Variants in SPOCK1 observed in about 807,000 individuals in gnomAD.
The protein encoded by SPOCK1 is SPARC (osteonectin), cwcv and kazal like domains proteoglycan 1.
In SPOCK1, 23 loss-of-function variants were observed where a neutral mutation model predicts 55.3. That is an observed-to-expected ratio of 0.42 (90% confidence interval 0.30 to 0.59). The LOEUF is 0.59. Ranked by LOEUF, SPOCK1 falls within the 20% of genes least tolerant of loss-of-function variation. The probability of loss-of-function intolerance (pLI) is 0.22; values close to 1 mark genes in which losing one functional copy is unlikely to be tolerated. For synonymous variants in SPOCK1, 226 were observed against 221.0 expected (o/e 1.02, Z -0.20); for missense variants, 499 against 552.5 (o/e 0.90, Z 0.97).
intron 3 of SPOCK1, among the ~76,000 whole-genome samples, chr5:137,161,098 A>G (rs1217974912): frequency 6.8e-6 from 1 of 147,098 alleles, no homozygotes; most frequent in Non-Finnish European, 1.5e-5. Flanking sequence ...ATTATATAAT[A>G]TATATATCTA....
intron 6 of SPOCK1, among the ~76,000 whole-genome samples, chr5:137,000,174 G>C (rs992146691): frequency 6.6e-6 from 1 of 152,200 alleles, no homozygotes; most frequent in Non-Finnish European, 1.5e-5. Flanking sequence ...ATGGAGACCT[G>C]ATGCTGATTC....
At chr5:137,272,610 T>C (rs985888042) in intron 2 of SPOCK1, among the ~76,000 whole-genome samples, 5 of 152,144 alleles carry the variant, frequency 3.3e-5, no homozygotes, top group Non-Finnish European at 5.9e-5. Flanking sequence ...GTGACCCAGC[T>C]TGGGCAGTGA....
At chr5:136,985,687 G>GACA (rs932861257) in intron 8 of SPOCK1, among the ~76,000 whole-genome samples, 1 of 152,130 alleles carries the variant, frequency 6.6e-6, no homozygotes, top group African/African-American at 2.4e-5. Context: ...GGCTTTGAGG[G>GACA]ACAACTATGA....
intron 2 of SPOCK1, among the ~76,000 whole-genome samples, chr5:137,444,848 C>T (rs1753089590): frequency 6.6e-6 from 1 of 152,186 alleles, no homozygotes. Context: ...GTTCAGCCTC[C>T]TGGCAGATAC....
chr5:136,995,676 G>A (rs1438865883), intron 6 of SPOCK1, among the ~76,000 whole-genome samples: 1 of 152,170 alleles, frequency 6.6e-6, no homozygotes, highest in Non-Finnish European at 1.5e-5. Flanking sequence ...CATGCTTCAA[G>A]ATGAATTAGT....
chr5:137,093,443 C>A (rs143597412), intron 5 of SPOCK1, among the ~76,000 whole-genome samples: 94 of 152,310 alleles, frequency 6.2e-4, no homozygotes, highest in African/African-American at 2.2e-3. Flanking sequence ...TGAGAATCTA[C>A]CATATGCTAG....
intron 2 of SPOCK1, among the ~76,000 whole-genome samples, chr5:137,290,757 C>T (rs945531084): frequency 5.3e-5 from 8 of 152,156 alleles, no homozygotes; most frequent in African/African-American, 9.7e-5. Flanking sequence ...TATGGCAGAA[C>T]GGACAGGTTT....
intron 3 of SPOCK1, among the ~76,000 whole-genome samples, chr5:137,152,595 A>C (rs1754338965): frequency 6.6e-6 from 1 of 152,224 alleles, no homozygotes. Context: ...TTTGGTTACT[A>C]TAATGGCAGC....
chr5:137,347,226 G>A (rs1750577985), intron 2 of SPOCK1, among the ~76,000 whole-genome samples: 2 of 152,130 alleles, frequency 1.3e-5, no homozygotes, highest in African/African-American at 2.4e-5. Flanking sequence ...GACCACCTGG[G>A]GAAAGTTCAA....
intron 2 of SPOCK1, among the ~76,000 whole-genome samples, chr5:137,310,606 C>T (rs1757772970): frequency 6.6e-6 from 1 of 152,168 alleles, no homozygotes; most frequent in African/African-American, 2.4e-5. Context: ...ACAAAAATCT[C>T]CAGCCCTGTC....
intron 2 of SPOCK1, among the ~76,000 whole-genome samples, chr5:137,462,108 G>T (rs546474159): frequency 1.3e-5 from 2 of 152,254 alleles, no homozygotes; most frequent in Non-Finnish European, 2.9e-5. Flanking sequence ...GCGAGAGGAA[G>T]TGGGAAGGTC....
intron 5 of SPOCK1, among the ~76,000 whole-genome samples, chr5:137,096,167 C>T (rs1388570888): frequency 6.6e-6 from 1 of 152,148 alleles, no homozygotes; most frequent in African/African-American, 2.4e-5. Context: ...CCATCCTCAG[C>T]CCCCCAAGTA....
intron 3 of SPOCK1, among the ~76,000 whole-genome samples, chr5:137,189,981 G>A (rs1348083839): frequency 2.5e-5 from 3 of 122,294 alleles, no homozygotes; most frequent in Non-Finnish European, 3.8e-5. Flanking sequence ...AAGAGAACTA[G>A]AAGTGCAGCC....
intron 2 of SPOCK1, among the ~76,000 whole-genome samples, chr5:137,417,180 C>T (rs1752352420): frequency 6.6e-6 from 1 of 151,854 alleles, no homozygotes; most frequent in Non-Finnish European, 1.5e-5. Context: ...AAGTTCTTAA[C>T]GTTAATGAAG....
chr5:137,013,439 T>A (rs1000007305), intron 6 of SPOCK1, among the ~76,000 whole-genome samples: 1 of 152,118 alleles, frequency 6.6e-6, no homozygotes, highest in Non-Finnish European at 1.5e-5. Flanking sequence ...TTAAAGAGAG[T>A]TTATTTAAAT....
chr5:137,384,889 C>T (rs968106661), intron 2 of SPOCK1, among the ~76,000 whole-genome samples: 2 of 152,088 alleles, frequency 1.3e-5, no homozygotes, highest in African/African-American at 4.8e-5. Flanking sequence ...TCTGCGAAGA[C>T]CCTCTTTCTA....
At chr5:137,123,848 T>C (rs1196000222) in intron 4 of SPOCK1, among the ~76,000 whole-genome samples, 1 of 152,096 alleles carries the variant, frequency 6.6e-6, no homozygotes, top group Non-Finnish European at 1.5e-5. Context: ...TGTATGTGAA[T>C]GTCTATTTAC....
At chr5:137,153,793 G>A (rs1289698147) in intron 3 of SPOCK1, among the ~76,000 whole-genome samples, 1 of 151,978 alleles carries the variant, frequency 6.6e-6, no homozygotes, top group Non-Finnish European at 1.5e-5. Context: ...AGGAGGTCAA[G>A]GCTGCAGTGA....
At chr5:137,200,968 C>T (rs1755415245) in intron 3 of SPOCK1, among the ~76,000 whole-genome samples, 1 of 152,218 alleles carries the variant, frequency 6.6e-6, no homozygotes, top group South Asian at 2.1e-4. Context: ...ATGTACTTAG[C>T]AAGCCCCACT....
Sources: gnomAD v4.1 joint callset for allele counts (sites outside exome capture counted in the v4.1 genomes callset) on GRCh38, gnomAD v4.1.1 for gene constraint, MANE v1.5 for transcripts, NCBI Gene and HGNC (gene_info 2026-07-23, HGNC 2026-07-21) for gene names.